Variants in EXOSC10 observed in about 807,000 individuals in gnomAD.
EXOSC10 encodes exosome component 10.
In EXOSC10, 94 loss-of-function variants were observed where a neutral mutation model predicts 126.6. That is an observed-to-expected ratio of 0.74 (90% CI 0.63 to 0.88). The LOEUF (loss-of-function observed/expected upper bound fraction) is 0.88. Ranked by LOEUF, EXOSC10 falls within the 40% of genes least tolerant of loss-of-function variation. The pLI is 0.00. For synonymous variants in EXOSC10, 395 were observed against 400.8 expected (o/e 0.99, Z 0.17); for missense variants, 1,041 against 1,100.5 (o/e 0.95, Z 0.77).
At position 11,080,564 on chromosome 1, in the gene EXOSC10, ACACACAC is replaced by A. The variant is rs765069095; in HGVS notation, c.1587-22_1587-16del. On this transcript the variant is annotated splice_polypyrimidine_tract_variant and intron_variant, in intron 12 of 24. Coordinates refer to ENST00000376936, the MANE Select transcript of EXOSC10 (RefSeq NM_001001998.3). ...GCAGTACATATCTGGAAAAAAAAAAACACACACACACACACACACACACACACACACA... is the reference window on the plus strand; with the variant it reads ...GCAGTACATATCTGGAAAAAAAAAAAACACACACACACACACACACACACA... 3,729 of 1,200,378 alleles carry A rather than the reference ACACACAC, an allele frequency of 3.1e-3. 20 individuals are homozygous for A. Among genetic ancestry groups the A allele is most frequent in the African/African-American group, 0.031 (1,402 of 45,544 alleles). The allele number at this position is 1,200,378 out of a possible 1,614,324, so 74.4% of individuals were successfully genotyped here. A position where few individuals can be genotyped will look rare whatever the true frequency, so the allele number is the denominator to read the frequency against.
At chr1:11,083,918 A>G (rs377303135) in intron 9 of EXOSC10, among the ~76,000 whole-genome samples, 1 of 152,176 alleles carries the variant, frequency 6.6e-6, no homozygotes, top group South Asian at 2.1e-4. Flanking sequence ...GAGAATGATG[A>G]TTTCCAATTT....
At chr1:11,089,633 A>AAAAAG (rs531402565) in intron 6 of EXOSC10, among the ~76,000 whole-genome samples, 1 of 148,790 alleles carries the variant, frequency 6.7e-6, no homozygotes, top group African/African-American at 2.6e-5. Flanking sequence ...AAAAAAAAAA[A>AAAAAG]AAAGAAAGAA....
At chr1:11,092,901 T>C (rs1173601826) in intron 3 of EXOSC10, among the ~76,000 whole-genome samples, 1 of 152,204 alleles carries the variant, frequency 6.6e-6, no homozygotes, top group East Asian at 1.9e-4. Context: ...ATTATAAAAA[T>C]AGGCTTTGTG....
rs751394491 is a variant in EXOSC10, at chr1:11,091,100, T to C, written c.557A>G (p.Lys186Arg). The C allele has an allele frequency of 1.5e-5, 24 of 1,614,222 alleles. No homozygotes were observed. The Admixed American group carries it at 2.3e-4, about 16-fold the overall frequency. ...HAKNIIRPQL[K>R]FREKIDNSNT... ...GGAATTGTCAATCTTCTCTCGAAACTTGAGCTGAGGTCGGATGATATTTTT... is the reference window on the plus strand; with the variant it reads ...GGAATTGTCAATCTTCTCTCGAAACCTGAGCTGAGGTCGGATGATATTTTT... Residue 186 changes from lysine to arginine, a missense_variant, in exon 5 of 25, where the codon AAG (lysine) becomes AGG (arginine). By Grantham distance (26) the Lys-to-Arg change is conservative. Transcript: ENST00000376936.
chr1:11,091,005 A>T lies in EXOSC10; in HGVS notation c.643+9T>A, dbSNP rs761927753. 3 of 1,612,844 alleles carry T rather than the reference A, an allele frequency of 1.9e-6. No homozygotes were observed. The Admixed American group carries it at 5.0e-5, about 27-fold the overall frequency. On this transcript the variant is annotated intron_variant, in intron 5 of 24. Coordinates refer to ENST00000376936, the MANE Select transcript of EXOSC10 (RefSeq NM_001001998.3). ...AGACTCAAACACAGGCAAAGTATGC[A>T]CTATTTACCTTGAGGGAGAGGTTTC...
At chr1:11,069,773 A>T (rs1391582149) in intron 21 of EXOSC10, 43 bp from the exon 22 acceptor site, 1 of 1,605,378 alleles carries the variant, frequency 6.2e-7, no homozygotes, top group Admixed American at 1.7e-5. Flanking sequence ...AGGGAGGCAC[A>T]TGGGAACAGG....
chr1:11,068,878 C>T, intron 22 of EXOSC10, 172 bp from the exon 23 acceptor site: 6 of 622,788 alleles, frequency 9.6e-6, no homozygotes, highest in Non-Finnish European at 1.7e-5. Flanking sequence ...ACATAGCGAT[C>T]CTGGTCCCTG....
intron 23 of EXOSC10, chr1:11,068,436 A>G: frequency 3.3e-6 from 2 of 606,858 alleles, no homozygotes; most frequent in Admixed American, 5.9e-5. Context: ...ACAGAATAAT[A>G]CCCTTTAAAG....
intron 6 of EXOSC10, among the ~76,000 whole-genome samples, chr1:11,088,438 C>T (rs553848100): frequency 9.2e-5 from 14 of 152,280 alleles, no homozygotes; most frequent in Admixed American, 3.3e-4. Flanking sequence ...GAGACCCAAG[C>T]AGCTTTATAA....
intron 21 of EXOSC10, 41 bp downstream of exon 21, chr1:11,070,859 C>G (rs753080938): frequency 6.4e-7 from 1 of 1,550,712 alleles, no homozygotes; most frequent in Non-Finnish European, 8.9e-7. Flanking sequence ...CAAGCAGGGG[C>G]ATCGTTTTTC....
At chr1:11,088,960 C>T (rs958859247) in intron 6 of EXOSC10, among the ~76,000 whole-genome samples, 1 of 152,166 alleles carries the variant, frequency 6.6e-6, no homozygotes, top group Non-Finnish European at 1.5e-5. Context: ...GTGGCACATG[C>T]TTGTAATCCC....
At position 11,077,432 on chromosome 1, in the gene EXOSC10, A is replaced by T; in HGVS notation, c.1812T>A (p.Asn604Lys). Residue 604 changes from asparagine to lysine, a missense_variant, in exon 16 of 25, where the codon AAT (asparagine) becomes AAA (lysine). Transcript: ENST00000376936. ...AGCAGTCGTGAGGTCCAAAGAGAAC[A>T]TTCTCCAATCTCTGCATTAAAAGAC... is the stretch of plus-strand genomic sequence containing the variant. ...GPLPSAERLE[N>K]VLFGPHDCSH... 5 of 1,614,042 alleles carry T rather than the reference A, an allele frequency of 3.1e-6. No individual in the cohort carries two copies. Among genetic ancestry groups the T allele is most frequent in the Non-Finnish European group, 3.4e-6 (4 of 1,179,928 alleles).
chr1:11,070,759 T>G, intron 21 of EXOSC10, 141 bp downstream of exon 21: 2 of 705,110 alleles, frequency 2.8e-6, no homozygotes. Context: ...TAGACACTAA[T>G]AGCCAAGCTA....
chr1:11,078,358 C>T (rs943109395), intron 14 of EXOSC10, among the ~76,000 whole-genome samples: 36 of 151,288 alleles, frequency 2.4e-4, no homozygotes, highest in South Asian at 6.3e-4. Context: ...CCCGGGTTCA[C>T]GCCATTCTCC....
intron 24 of EXOSC10, among the ~76,000 whole-genome samples, chr1:11,067,793 C>T (rs949386110): frequency 2.6e-5 from 4 of 152,134 alleles, no homozygotes; most frequent in African/African-American, 7.2e-5. Context: ...TCCTGGGGTG[C>T]AGTGCCTGGC....
intron 9 of EXOSC10, among the ~76,000 whole-genome samples, chr1:11,086,420 T>C (rs1400608058): frequency 6.6e-6 from 1 of 152,234 alleles, no homozygotes; most frequent in Non-Finnish European, 1.5e-5. Flanking sequence ...GAGGTGTTTG[T>C]AGTAATCTCT....
intron 23 of EXOSC10, chr1:11,068,379 A>G (rs1570779953): frequency 1.7e-6 from 1 of 590,616 alleles, no homozygotes. Flanking sequence ...TGCTGGCCCC[A>G]AAGGGGGTGC....
chr1:11,090,611 G>C lies in EXOSC10; in HGVS notation c.701C>G (p.Pro234Arg). The C allele has an allele frequency of 6.2e-7, 1 of 1,614,102 alleles. No individual in the cohort carries two copies. Among genetic ancestry groups the C allele is most frequent in the Non-Finnish European group, 8.5e-7 (1 of 1,180,026 alleles). ...ATGGATGAAATCAGCCAGTGCAGGG[G>C]GGACGTCCAAGTCCTCAGGACGATC... ...PQDRPEDLDVPPALADFIHQQ... is the reference protein window; with the variant it reads ...PQDRPEDLDVRPALADFIHQQ... Residue 234 changes from proline (P) to arginine (R), a missense_variant, in exon 6 of 25, where the codon CCC becomes CGC. Transcript: ENST00000376936.
rs1454823068 is a variant in EXOSC10 at position 11,072,074 on chromosome 1, AAGTG to A, written c.2242+9_2242+12del. ...TTTAACAGCCGACTGAGTTGCAAGG[AAGTG>A]AGTGTTACCTGTTTGCTCAGCTGCC... On this transcript the variant is annotated intron_variant, in intron 20 of 24. Transcript: ENST00000376936. 9 of 1,605,302 alleles carry A rather than the reference AAGTG, an allele frequency of 5.6e-6. No individual in the cohort carries two copies. In the African/African-American group the frequency reaches 1.1e-4, roughly 19 times the overall value.
Sources: allele counts gnomAD v4.1 joint callset (sites outside exome capture counted in the v4.1 genomes callset), GRCh38; gene constraint gnomAD v4.1.1; transcripts MANE v1.5; gene names NCBI Gene and HGNC (gene_info 2026-07-23, HGNC 2026-07-21).